The following SOBP variants were observed in gnomAD, a reference collection of about 807,000 sequenced individuals.
SOBP encodes sine oculis binding protein homolog.
A neutral mutation model predicts 53.6 loss-of-function variants in SOBP; 4 were observed. The observed-to-expected ratio is 0.07, with a 90% CI of 0.04 to 0.17. The LOEUF is 0.17. Ranked by LOEUF, SOBP falls within the 10% of genes least tolerant of loss-of-function variation. SOBP has a pLI of 1.00. For synonymous variants in SOBP, 584 were observed against 522.6 expected (o/e 1.12, Z -1.60); for missense variants, 1,088 against 1,204.7 (o/e 0.90, Z 1.43).
intron 4 of SOBP, among the ~76,000 whole-genome samples, chr6:107,559,943 G>A (rs932696511): frequency 2.0e-5 from 3 of 152,104 alleles, no homozygotes; most frequent in African/African-American, 7.2e-5. Context: ...TCAATGCACT[G>A]CATAGAACTG....
At chr6:107,526,693 A>G (rs1245890140) in intron 3 of SOBP, among the ~76,000 whole-genome samples, 2 of 152,204 alleles carry the variant, frequency 1.3e-5, no homozygotes, top group Non-Finnish European at 2.9e-5. Context: ...ATCTGTATCT[A>G]TGTCTATGTC....
chr6:107,610,538 G>A (rs1256801168), intron 5 of SOBP, among the ~76,000 whole-genome samples: 1 of 152,176 alleles, frequency 6.6e-6, no homozygotes. Context: ...GCAAACCCTT[G>A]GGAGGCTCAG....
At chr6:107,647,332 T>G (rs1408067736) in intron 6 of SOBP, among the ~76,000 whole-genome samples, 1 of 152,120 alleles carries the variant, frequency 6.6e-6, no homozygotes, top group African/African-American at 2.4e-5. Flanking sequence ...ATGGCAGTGC[T>G]GAGATACGAC....
chr6:107,565,764 AT>A (rs1334636264), intron 4 of SOBP, among the ~76,000 whole-genome samples: 15 of 152,238 alleles, frequency 9.9e-5, no homozygotes, highest in Admixed American at 2.0e-4. Context: ...TCATCTGAGT[AT>A]CCAGATTAAT....
In SOBP at chr6:107,507,550, C is replaced by T. The variant is rs141183998; in HGVS notation, c.421+1123C>T. 4.5e-3 allele frequency among the ~76,000 whole-genome samples: 691 copies of T among 152,220 alleles called. 6 individuals carry two copies. Among genetic ancestry groups the T allele is most frequent in the African/African-American group, 0.016 (656 of 41,528 alleles). On this transcript the variant is annotated intron_variant, in intron 3 of 6. Transcript: ENST00000317357. ...CGAACTCCTGACCTCAGGTGATCCA[C>T]CCACCTCGGCCTCTCAAAGTGCTGG...
intron 1 of SOBP, among the ~76,000 whole-genome samples, chr6:107,495,999 A>G (rs1404765498): frequency 6.6e-6 from 1 of 152,146 alleles, no homozygotes; most frequent in Non-Finnish European, 1.5e-5. Flanking sequence ...AGGAAAAAAA[A>G]AACACGGAAG....
intron 4 of SOBP, among the ~76,000 whole-genome samples, chr6:107,559,535 C>T (rs1200975336): frequency 1.3e-5 from 2 of 152,238 alleles, no homozygotes; most frequent in South Asian, 2.1e-4. Flanking sequence ...TTACCACGTT[C>T]GCCTAGTCCT....
At chr6:107,650,938 G>A (rs1318556240) in intron 6 of SOBP, among the ~76,000 whole-genome samples, 3 of 152,174 alleles carry the variant, frequency 2.0e-5, no homozygotes, top group African/African-American at 2.4e-5. Flanking sequence ...AGTTGTGAAT[G>A]CAAGGAAAAA....
At chr6:107,573,664 T>C (rs1785142411) in intron 4 of SOBP, among the ~76,000 whole-genome samples, 1 of 152,246 alleles carries the variant, frequency 6.6e-6, no homozygotes, top group African/African-American at 2.4e-5. Flanking sequence ...CATGGGGTGC[T>C]CAGCCCTTAA....
rs12197992 is a variant in SOBP at position 107,602,345 on chromosome 6, A to G, written c.669+15170A>G. 1.9e-3 allele frequency among the ~76,000 whole-genome samples: 292 copies of G among 152,322 alleles called. 1 individual carries two copies. Among genetic ancestry groups the G allele is most frequent in the Non-Finnish European group, 1.7e-3 (115 of 68,028 alleles). ...TGTCTATCCGAGCAGTGTCTCCTGA[A>G]TCATACTGAATACTTGAGAAAATCA... On this transcript the variant is annotated intron_variant, in intron 5 of 6. Coordinates refer to ENST00000317357, the MANE Select transcript of SOBP (RefSeq NM_018013.4).
chr6:107,490,485 G>C lies in SOBP; in HGVS notation c.-132G>C. 1.5e-6 allele frequency: 1 copy of C among 681,640 alleles called. No homozygotes were observed. Among genetic ancestry groups the C allele is most frequent in the East Asian group, 2.8e-5 (1 of 35,494 alleles). The allele number at this position is 681,640 out of a possible 1,614,324, so 42.2% of individuals were successfully genotyped here. On this transcript the variant is annotated 5_prime_UTR_variant, in exon 1 of 7. Coordinates refer to ENST00000317357, the MANE Select transcript of SOBP (RefSeq NM_018013.4). ...TGCCCTCCCCCTCGCGGCTCGGTCC[G>C]GCCCCGCCAGCACCGCTACCTCCGC...
chr6:107,654,148 C>G (rs913736038), intron 6 of SOBP, among the ~76,000 whole-genome samples: 2 of 152,214 alleles, frequency 1.3e-5, no homozygotes, highest in African/African-American at 4.8e-5. Flanking sequence ...AAGGGGCAGG[C>G]AGGCCTGGAA....
intron 4 of SOBP, among the ~76,000 whole-genome samples, chr6:107,571,040 G>A (rs1785059643): frequency 6.6e-6 from 1 of 152,218 alleles, no homozygotes; most frequent in Non-Finnish European, 1.5e-5. Flanking sequence ...CCTGATCAGT[G>A]GATCTGGGGA....
chr6:107,512,504 C>T (rs1783199475), intron 3 of SOBP, among the ~76,000 whole-genome samples: 1 of 152,220 alleles, frequency 6.6e-6, no homozygotes, highest in Non-Finnish European at 1.5e-5. Flanking sequence ...GAATACATAT[C>T]TTTGACAAAG....
At chr6:107,517,512 A>G (rs937583760) in intron 3 of SOBP, among the ~76,000 whole-genome samples, 2 of 152,180 alleles carry the variant, frequency 1.3e-5, no homozygotes, top group African/African-American at 4.8e-5. Flanking sequence ...TTTAACACTA[A>G]TTATCTTCCA....
intron 1 of SOBP, 45 bp downstream of exon 1, chr6:107,490,757 C>G (rs965876610): frequency 2.1e-6 from 3 of 1,437,586 alleles, no homozygotes; most frequent in African/African-American, 1.4e-5. Flanking sequence ...CTCTTTCTTG[C>G]GCCCGCTCCC....
rs547815204 is a variant in SOBP at position 107,559,067 on chromosome 6, ATAAGTATTTGCTGAATGAAT to A, written c.573+25458_573+25477del. Among the ~76,000 whole-genome samples, 28 of 152,298 alleles carry A rather than the reference ATAAGTATTTGCTGAATGAAT, an allele frequency of 1.8e-4. No homozygotes were observed. The South Asian group carries it at 5.8e-3, about 32-fold the overall frequency. ...TCATCTGCCATATGAAAATTTCTTG[ATAAGTATTTGCTGAATGAAT>A]AGATAAACTATTTCTGAACCAAATG... is the stretch of plus-strand genomic sequence containing the variant. On this transcript the variant is annotated intron_variant, in intron 4 of 6. Coordinates refer to ENST00000317357, the MANE Select transcript of SOBP (RefSeq NM_018013.4).
At chr6:107,656,439 A>G (rs1772071080) in intron 6 of SOBP, among the ~76,000 whole-genome samples, 2 of 152,222 alleles carry the variant, frequency 1.3e-5, no homozygotes, top group Admixed American at 6.5e-5. Flanking sequence ...GCCAAATGAA[A>G]AGGTTTCCAT....
chr6:107,580,117 A>T (rs1171960521), intron 4 of SOBP, among the ~76,000 whole-genome samples: 1 of 152,228 alleles, frequency 6.6e-6, no homozygotes, highest in Non-Finnish European at 1.5e-5. Flanking sequence ...CCTTAGGCAG[A>T]CATTAGTAGT....
Sources: gnomAD v4.1 joint callset for allele counts (sites outside exome capture counted in the v4.1 genomes callset) on GRCh38, gnomAD v4.1.1 for gene constraint, MANE v1.5 for transcripts, NCBI Gene and HGNC (gene_info 2026-07-23, HGNC 2026-07-21) for gene names.